Variants in GPR158 observed in about 807,000 individuals in gnomAD.
GPR158 encodes the protein metabotropic glycine receptor.
Under a neutral mutation model 78.2 loss-of-function variants are expected in GPR158, and 30 were observed. The observed-to-expected ratio is 0.38, with a 90% confidence interval of 0.29 to 0.52. The LOEUF (loss-of-function observed/expected upper bound fraction) is 0.52, where lower values mean the gene tolerates loss of function less well. Among genes scored for constraint, GPR158 ranks in the 20% least tolerant of loss-of-function variants. The probability of loss-of-function intolerance (pLI) is 0.83; values close to 1 mark genes in which losing one functional copy is unlikely to be tolerated. For synonymous variants in GPR158, 581 were observed against 591.1 expected (o/e 0.98, Z 0.25); for missense variants, 1,463 against 1,523.5 (o/e 0.96, Z 0.66).
At chr10:25,252,132 A>G (rs1210877771) in intron 2 of GPR158, among the ~76,000 whole-genome samples, 1 of 151,862 alleles carries the variant, frequency 6.6e-6, no homozygotes, top group Non-Finnish European at 1.5e-5. Context: ...TGCATTCTTC[A>G]CATAGTTCTC....
chr10:25,577,489 T>C (rs1837118865), intron 7 of GPR158, among the ~76,000 whole-genome samples: 1 of 152,214 alleles, frequency 6.6e-6, no homozygotes, highest in African/African-American at 2.4e-5. Flanking sequence ...GGATCAGCTT[T>C]ACCCGTCAAA....
intron 1 of GPR158, among the ~76,000 whole-genome samples, chr10:25,198,755 A>G (rs1027539417): frequency 2.0e-5 from 3 of 152,116 alleles, no homozygotes; most frequent in Non-Finnish European, 4.4e-5. Flanking sequence ...GCAATGAAGG[A>G]AAAATGCTGT....
intron 3 of GPR158, among the ~76,000 whole-genome samples, chr10:25,409,821 T>G (rs1176327114): frequency 6.6e-6 from 1 of 152,206 alleles, no homozygotes; most frequent in Non-Finnish European, 1.5e-5. Context: ...CAAAATCGCT[T>G]TTTAAAAATA....
At chr10:25,560,297 G>A (rs1029865483) in intron 6 of GPR158, among the ~76,000 whole-genome samples, 8 of 151,996 alleles carry the variant, frequency 5.3e-5, no homozygotes, top group South Asian at 2.1e-4. Context: ...ACGGAGTCTC[G>A]CTCTGTCACC....
intron 5 of GPR158, among the ~76,000 whole-genome samples, chr10:25,468,240 A>T (rs1442673884): frequency 6.6e-6 from 1 of 152,026 alleles, no homozygotes; most frequent in Non-Finnish European, 1.5e-5. Flanking sequence ...TCTATCATGC[A>T]ACTTCTGGGG....
intron 2 of GPR158, among the ~76,000 whole-genome samples, chr10:25,228,041 AC>A (rs1853398349): frequency 6.6e-6 from 1 of 152,234 alleles, no homozygotes. Context: ...TCTTTGTTCT[AC>A]CTGTTTTTTC....
chr10:25,289,612 T>C (rs2130762995), intron 2 of GPR158, among the ~76,000 whole-genome samples: 1 of 152,082 alleles, frequency 6.6e-6, no homozygotes. Context: ...TTTTGTATTT[T>C]TAGTAGAGAT....
chr10:25,444,386 G>A lies in GPR158; in HGVS notation c.1336-22265G>A, dbSNP rs116796081. ...TGCGGTAGTTGTGTGTGGTAGGTGT[G>A]TATGGGGGTGTCGTGTATGTGGGTG... On this transcript the variant is annotated intron_variant, in intron 4 of 10. Transcript: ENST00000376351. 1.5e-3 allele frequency among the ~76,000 whole-genome samples: 229 copies of A among 151,294 alleles called. 2 individuals carry two copies. The highest frequency in any genetic ancestry group is 5.1e-3 in the African/African-American group (211 of 41,084).
Position 25,410,467 on chromosome 10 carries a change from T to A in GPR158, c.1112-1783T>A, listed in dbSNP as rs1439594155. ...CCTGTCTCTACTAAAAACACAAAAA[T>A]TAGCCAGGCGTGGTGGCGCGTGTCT... is the stretch of plus-strand genomic sequence containing the variant. On this transcript the variant is annotated intron_variant, in intron 3 of 10. Coordinates refer to ENST00000376351, the MANE Select transcript of GPR158 (RefSeq NM_020752.3). 3.9e-5 allele frequency among the ~76,000 whole-genome samples: 6 copies of A among 152,142 alleles called. No individual in the cohort carries two copies. The East Asian group carries it at 1.2e-3, about 29-fold the overall frequency.
At chr10:25,375,277 A>G (rs1265034497) in intron 2 of GPR158, among the ~76,000 whole-genome samples, 1 of 151,542 alleles carries the variant, frequency 6.6e-6, no homozygotes, top group Admixed American at 6.6e-5. Flanking sequence ...AATATTCTAG[A>G]TTCTTTTTGG....
At chr10:25,422,591 C>G (rs1381181331) in intron 4 of GPR158, among the ~76,000 whole-genome samples, 1 of 148,366 alleles carries the variant, frequency 6.7e-6, no homozygotes, top group Non-Finnish European at 1.5e-5. Context: ...TTGACTTTCT[C>G]TTACTATCAT....
chr10:25,426,452 T>C (rs1834821500), intron 4 of GPR158, among the ~76,000 whole-genome samples: 1 of 152,162 alleles, frequency 6.6e-6, no homozygotes, highest in Non-Finnish European at 1.5e-5. Context: ...TTCTAGCTTT[T>C]GATTTGAAGT....
intron 1 of GPR158, among the ~76,000 whole-genome samples, chr10:25,200,627 A>C (rs1852909746): frequency 6.6e-6 from 1 of 152,030 alleles, no homozygotes; most frequent in Non-Finnish European, 1.5e-5. Context: ...GGGTTTTTAT[A>C]GTCTTAGGTT....
intron 2 of GPR158, among the ~76,000 whole-genome samples, chr10:25,360,759 C>T (rs1588823983): frequency 2.0e-5 from 3 of 152,066 alleles, no homozygotes; most frequent in Admixed American, 2.0e-4. Flanking sequence ...TTTTTGTTGC[C>T]ATATGAAATT....
chr10:25,269,071 A>G (rs1312407089), intron 2 of GPR158, among the ~76,000 whole-genome samples: 1 of 152,160 alleles, frequency 6.6e-6, no homozygotes, highest in East Asian at 1.9e-4. Flanking sequence ...ATATACATTT[A>G]TATCTCAATA....
intron 2 of GPR158, among the ~76,000 whole-genome samples, chr10:25,373,280 C>T (rs1026938301): frequency 6.6e-6 from 1 of 151,550 alleles, no homozygotes; most frequent in Admixed American, 6.6e-5. Flanking sequence ...ACACTGGGGC[C>T]CACTGGAAGG....
chr10:25,292,651 T>G (rs1387428457), intron 2 of GPR158, among the ~76,000 whole-genome samples: 3 of 152,138 alleles, frequency 2.0e-5, no homozygotes, highest in Admixed American at 2.0e-4. Context: ...AAATGAGGTC[T>G]TTAAAGATTA....
intron 1 of GPR158, among the ~76,000 whole-genome samples, chr10:25,194,924 A>G (rs1852824028): frequency 1.3e-5 from 2 of 152,058 alleles, no homozygotes; most frequent in Non-Finnish European, 2.9e-5. Flanking sequence ...AGATAATAAC[A>G]TTTGTATTCT....
intron 2 of GPR158, among the ~76,000 whole-genome samples, chr10:25,341,576 A>C (rs893896058): frequency 1.3e-5 from 2 of 151,994 alleles, no homozygotes; most frequent in African/African-American, 4.8e-5. Flanking sequence ...TATGTTTTAA[A>C]AGATCTACTT....
Sources: allele counts gnomAD v4.1 joint callset (sites outside exome capture counted in the v4.1 genomes callset), GRCh38; gene constraint gnomAD v4.1.1; transcripts MANE v1.5; gene names NCBI Gene and HGNC (gene_info 2026-07-23, HGNC 2026-07-21).